Variants in PDE11A observed in about 807,000 individuals in gnomAD.
The protein encoded by PDE11A is dual 3',5'-cyclic-AMP and -GMP phosphodiesterase 11A.
A neutral mutation model predicts 100.5 loss-of-function variants in PDE11A; 100 were observed. The observed-to-expected ratio is 1.00, with a 90% CI of 0.85 to 1.18. The LOEUF is 1.18. Ranked by LOEUF, PDE11A falls within the 50% of genes most tolerant of loss-of-function variation. The probability of loss-of-function intolerance (pLI) is 0.00; values close to 1 mark genes in which losing one functional copy is unlikely to be tolerated. For synonymous variants in PDE11A, 381 were observed against 420.8 expected (o/e 0.91, Z 1.16); for missense variants, 1,141 against 1,152.6 (o/e 0.99, Z 0.15).
chr2:177,803,292 A>T (rs1000212257), intron 9 of PDE11A, among the ~76,000 whole-genome samples: 1 of 150,794 alleles, frequency 6.6e-6, no homozygotes, highest in Non-Finnish European at 1.5e-5. Context: ...TATGTCACTT[A>T]TAAAAAAAAT....
intron 1 of PDE11A, among the ~76,000 whole-genome samples, chr2:178,054,556 C>G (rs1574371569): frequency 6.6e-6 from 1 of 152,288 alleles, no homozygotes; most frequent in South Asian, 2.1e-4. Flanking sequence ...TCAGAGTGAA[C>G]AGGCAACCTA....
chr2:177,900,140 C>T (rs1468739516), intron 3 of PDE11A, among the ~76,000 whole-genome samples: 2 of 152,026 alleles, frequency 1.3e-5, no homozygotes, highest in East Asian at 3.9e-4. Flanking sequence ...TTTTTAATGG[C>T]ATGGATGTTT....
chr2:177,663,796 C>T lies in PDE11A; in HGVS notation c.2646+70G>A, dbSNP rs541041452. ...CTGGAAATGTCTCCTCAAATGAGTG[C>T]TTTTGAGAAATACACACTTTTCCTT... On this transcript the variant is annotated intron_variant, in intron 19 of 19. Coordinates refer to ENST00000286063, the MANE Select transcript of PDE11A (RefSeq NM_016953.4). 108 of 902,654 alleles carry T rather than the reference C, an allele frequency of 1.2e-4. No individual in the cohort carries two copies. In the African/African-American group the frequency reaches 1.6e-3, roughly 13 times the overall value. The allele number at this position is 902,654 out of a possible 1,614,324, so 55.9% of individuals were successfully genotyped here.
chr2:178,007,380 AAAG>A (rs1205267302), intron 2 of PDE11A, among the ~76,000 whole-genome samples: 1 of 152,230 alleles, frequency 6.6e-6, no homozygotes, highest in Non-Finnish European at 1.5e-5. Context: ...GGATTATGAT[AAAG>A]AAGAATCTTG....
chr2:177,785,883 A>G (rs6747512), intron 9 of PDE11A, among the ~76,000 whole-genome samples: 50,598 of 152,090 alleles, frequency 0.33, 8,799 homozygotes, highest in African/African-American at 0.39. Context: ...AAGCAGCCAG[A>G]AAGCTTGAAC....
intron 16 of PDE11A, 71 bp from the exon 17 acceptor site, chr2:177,675,589 T>C (rs1250176330): frequency 1.8e-6 from 2 of 1,091,868 alleles, no homozygotes; most frequent in East Asian, 5.0e-5. Context: ...CCGTCCTAGA[T>C]ACATAAATAA....
intron 6 of PDE11A, among the ~76,000 whole-genome samples, chr2:177,824,019 C>T (rs1426324218): frequency 6.6e-6 from 1 of 152,122 alleles, no homozygotes; most frequent in Non-Finnish European, 1.5e-5. Context: ...GAAAAACAAA[C>T]CTTAGGCTGT....
chr2:177,921,784 A>G (rs193137452), intron 2 of PDE11A: 16 of 152,354 alleles, frequency 1.1e-4, no homozygotes, highest in Admixed American at 4.6e-4. Flanking sequence ...GCAAAAGAAT[A>G]TTCAGAAAAG....
In PDE11A at chr2:177,675,617, C is replaced by T. The variant is rs937532860; in HGVS notation, c.2424-99G>A. 34 of 885,438 alleles carry T rather than the reference C, an allele frequency of 3.8e-5. 1 individual carries two copies. Among genetic ancestry groups the T allele is most frequent in the East Asian group, 7.9e-5 (3 of 37,824 alleles). 54.8% of individuals were successfully genotyped at this position (885,438 alleles called of 1,614,324 possible). On this transcript the variant is annotated intron_variant, in intron 16 of 19. Coordinates refer to ENST00000286063, the MANE Select transcript of PDE11A (RefSeq NM_016953.4). ...ATAAATAAATAAAATAAAATGGAAA[C>T]GAGGCCAGCTCACATCTTCCTTTCC...
At chr2:177,763,140 C>T (rs2082192847) in intron 10 of PDE11A, among the ~76,000 whole-genome samples, 1 of 152,160 alleles carries the variant, frequency 6.6e-6, no homozygotes, top group Non-Finnish European at 1.5e-5. Flanking sequence ...GGCTCGGCTG[C>T]TGCTTGTGAG....
chr2:177,738,116 A>G (rs1465948119), intron 10 of PDE11A, among the ~76,000 whole-genome samples: 2 of 142,760 alleles, frequency 1.4e-5, no homozygotes, highest in Admixed American at 1.5e-4. Context: ...TTGCCTTCTA[A>G]GTTTGTGTGA....
At chr2:177,675,326 C>T (rs2080753424) in intron 17 of PDE11A, 129 bp downstream of exon 17, 2 of 697,380 alleles carry the variant, frequency 2.9e-6, no homozygotes, top group South Asian at 1.5e-5. Flanking sequence ...CTATTTTTTA[C>T]ACCATGTTAA....
chr2:177,629,091 A>C lies in PDE11A; in HGVS notation c.*316T>G. The C allele has an allele frequency of 4.8e-6, 2 of 415,546 alleles. No homozygotes were observed. The highest frequency in any genetic ancestry group is 9.0e-6 in the Non-Finnish European group (2 of 221,468). The allele number at this position is 415,546 out of a possible 1,614,324, so 25.7% of individuals were successfully genotyped here. On this transcript the variant is annotated 3_prime_UTR_variant, in exon 20 of 20. Coordinates refer to ENST00000286063, the MANE Select transcript of PDE11A (RefSeq NM_016953.4). ...ACTGTTCAGTGTTCCCTCAGCTCAG[A>C]GTAAGTAGGCCGACTGTCCACAGGT... is the stretch of plus-strand genomic sequence containing the variant.
At chr2:177,996,710 C>A (rs899077694) in intron 2 of PDE11A, among the ~76,000 whole-genome samples, 1 of 152,116 alleles carries the variant, frequency 6.6e-6, no homozygotes, top group South Asian at 2.1e-4. Context: ...AGGAATGTTG[C>A]ACCACTGCCT....
In PDE11A at chr2:177,628,972, G is replaced by A. The variant is rs2105427213; in HGVS notation, c.*435C>T. 4.6e-6 allele frequency: 1 copy of A among 219,580 alleles called. No homozygotes were observed. The highest frequency in any genetic ancestry group is 2.3e-5 in the African/African-American group (1 of 43,480). 13.6% of individuals were successfully genotyped at this position (219,580 alleles called of 1,614,324 possible). The stretch of plus-strand genomic sequence containing the variant: ...TTCTTGGGACAGTCTGGCACAAAAA[G>A]GCATTCAGGGACAGGAAGCAAAGAC... On this transcript the variant is annotated 3_prime_UTR_variant, in exon 20 of 20. Transcript: ENST00000286063.
chr2:177,967,165 T>A (rs536875729), intron 2 of PDE11A, among the ~76,000 whole-genome samples: 5 of 151,794 alleles, frequency 3.3e-5, no homozygotes, highest in African/African-American at 9.7e-5. Context: ...GGGTGTTTTG[T>A]GTTTCTATGG....
chr2:178,018,775 TG>T (rs1236565884), intron 1 of PDE11A, among the ~76,000 whole-genome samples: 5 of 152,178 alleles, frequency 3.3e-5, no homozygotes, highest in Non-Finnish European at 5.9e-5. Flanking sequence ...CTCAAATTAC[TG>T]GCCTCAAGCA....
At chr2:177,638,143 G>A (rs1035172395) in intron 19 of PDE11A, among the ~76,000 whole-genome samples, 5 of 151,278 alleles carry the variant, frequency 3.3e-5, no homozygotes, top group Admixed American at 1.3e-4. Flanking sequence ...GGAACTACAG[G>A]TGCCCGCCAC....
chr2:177,784,826 T>C (rs1279799074), intron 9 of PDE11A, among the ~76,000 whole-genome samples: 3 of 152,204 alleles, frequency 2.0e-5, no homozygotes, highest in Admixed American at 6.5e-5. Flanking sequence ...CTCTACTACA[T>C]AGTTTTGAGC....
Sources: allele counts gnomAD v4.1 joint callset (sites outside exome capture counted in the v4.1 genomes callset), GRCh38; gene constraint gnomAD v4.1.1; transcripts MANE v1.5; gene names NCBI Gene and HGNC (gene_info 2026-07-23, HGNC 2026-07-21).